BCAS4: variants seen among roughly 807,000 people sequenced by gnomAD.
The protein encoded by BCAS4 is breast carcinoma-amplified sequence 4.
A neutral mutation model predicts 15.7 loss-of-function variants in BCAS4; 9 were observed. That is an observed-to-expected ratio of 0.57 (90% CI 0.34 to 1.00). BCAS4 has a LOEUF of 1.00. Among genes scored for constraint, BCAS4 ranks in the 50% least tolerant of loss-of-function variants. BCAS4 has a pLI of 0.02. For missense variants in BCAS4, 225 were observed against 239.1 expected, an observed-to-expected ratio of 0.94 and a Z score of 0.39; for synonymous variants, 101 against 99.5, an observed-to-expected ratio of 1.02 and a Z score of -0.09.
chr20:50,803,146 A>T (rs1470741996), intron 1 of BCAS4, among the ~76,000 whole-genome samples: 1 of 152,230 alleles, frequency 6.6e-6, no homozygotes, highest in Non-Finnish European at 1.5e-5. Context: ...GCGCCACTGC[A>T]CTCCAGCCTG....
intron 1 of BCAS4, among the ~76,000 whole-genome samples, chr20:50,817,909 T>G (rs1221364210): frequency 6.6e-6 from 1 of 152,098 alleles, no homozygotes; most frequent in Non-Finnish European, 1.5e-5. Flanking sequence ...AGCCTCCGTG[T>G]CCTCATCTGT....
chr20:50,871,539 C>T (rs573185423), intron 4 of BCAS4, among the ~76,000 whole-genome samples: 1 of 152,354 alleles, frequency 6.6e-6, no homozygotes, highest in South Asian at 2.1e-4. Context: ...TAGTTACAAG[C>T]AACCCTGGTC....
At position 50,851,924 on chromosome 20, in the gene BCAS4, C is replaced by T. The variant is rs985374419; in HGVS notation, c.399+10024C>T. On this transcript the variant is annotated intron_variant, in intron 4 of 4. Transcript: ENST00000371608. This position sits in a 1 kb window ranked among gnomAD's most constrained non-coding sequence, Gnocchi z 4.3. ...GGGCACATGGCCTCATCTGCATTTTCTCCTGTTGTTCCCCTAGCCTGAGAG... is the reference window on the plus strand; with the variant it reads ...GGGCACATGGCCTCATCTGCATTTTTTCCTGTTGTTCCCCTAGCCTGAGAG... Among the ~76,000 whole-genome samples, 3 of 152,246 alleles carry T rather than the reference C, an allele frequency of 2.0e-5. No homozygotes were observed. Among genetic ancestry groups the T allele is most frequent in the African/African-American group, 7.2e-5 (3 of 41,470 alleles).
At chr20:50,866,910 CTG>C (rs1979385397) in intron 4 of BCAS4, among the ~76,000 whole-genome samples, 2 of 152,316 alleles carry the variant, frequency 1.3e-5, no homozygotes, top group South Asian at 4.1e-4. Flanking sequence ...GATGAATGCT[CTG>C]TGACCTTTCA....
chr20:50,879,872 G>A (rs971987802), downstream of BCAS4: 5 of 152,856 alleles, frequency 3.3e-5, no homozygotes, highest in African/African-American at 1.2e-4. Context: ...GGATGGCTCT[G>A]GTCTGATGGG....
At chr20:50,845,278 C>T (rs6067568) in intron 4 of BCAS4, among the ~76,000 whole-genome samples, 27,280 of 152,066 alleles carry the variant, frequency 0.18, 2,899 homozygotes, top group African/African-American at 0.31. Context: ...CCCTGACCGC[C>T]GGACCTGCTC....
chr20:50,861,664 G>A (rs1165903413), intron 4 of BCAS4, among the ~76,000 whole-genome samples: 3 of 152,058 alleles, frequency 2.0e-5, no homozygotes, highest in Non-Finnish European at 4.4e-5. Flanking sequence ...AACCCTTGGA[G>A]CGACTACCCC....
intron 1 of BCAS4, among the ~76,000 whole-genome samples, chr20:50,812,639 C>T (rs1379933579): frequency 6.6e-6 from 1 of 151,922 alleles, no homozygotes; most frequent in Non-Finnish European, 1.5e-5. Context: ...GGGGTTTCAC[C>T]ATCTTGGCCA....
At chr20:50,874,739 G>A (rs575082815) in intron 4 of BCAS4, among the ~76,000 whole-genome samples, 1 of 152,304 alleles carries the variant, frequency 6.6e-6, no homozygotes, top group Admixed American at 6.5e-5. Flanking sequence ...AAGTGCAGGG[G>A]GAGGGGAGGG....
At chr20:50,807,247 G>A (rs532505642) in intron 1 of BCAS4, among the ~76,000 whole-genome samples, 2 of 152,156 alleles carry the variant, frequency 1.3e-5, no homozygotes, top group African/African-American at 4.8e-5. Flanking sequence ...AGGCTGGAGT[G>A]CAGTGGCAGA....
chr20:50,838,773 G>A (rs2088440393), intron 3 of BCAS4, among the ~76,000 whole-genome samples: 1 of 152,136 alleles, frequency 6.6e-6, no homozygotes, highest in Admixed American at 6.6e-5. Context: ...GAACTCGGGA[G>A]GCAGAGGTTG....
chr20:50,876,450 A>C (rs757362371), intron 4 of BCAS4, 36 bp from the exon 5 acceptor site: 1 of 1,608,808 alleles, frequency 6.2e-7, no homozygotes, highest in Non-Finnish European at 8.5e-7. Context: ...AAGTGGATCC[A>C]AATCGCTGAT....
chr20:50,853,139 A>AT (rs35651267), intron 4 of BCAS4, among the ~76,000 whole-genome samples: 3,035 of 106,870 alleles, frequency 0.028, 81 homozygotes, highest in African/African-American at 0.057. Flanking sequence ...ATCCCCTTTC[A>AT]TTTTTTTTTT....
intron 2 of BCAS4, among the ~76,000 whole-genome samples, chr20:50,823,743 A>C (rs1214447206): frequency 1.3e-5 from 2 of 152,202 alleles, no homozygotes; most frequent in Non-Finnish European, 2.9e-5. Context: ...AAGTTCAGGA[A>C]TAGGCAGAAG....
intron 1 of BCAS4, among the ~76,000 whole-genome samples, chr20:50,812,144 T>C (rs541309211): frequency 1.3e-5 from 2 of 152,092 alleles, no homozygotes; most frequent in Non-Finnish European, 2.9e-5. Flanking sequence ...ATTTATTTAT[T>C]TTTTTTGAGA....
chr20:50,821,140 C>T (rs996791911), intron 2 of BCAS4, among the ~76,000 whole-genome samples: 5 of 152,164 alleles, frequency 3.3e-5, no homozygotes, highest in Non-Finnish European at 5.9e-5. Context: ...ACTCCACAGC[C>T]GCCACGTGCT....
rs140980398 is a variant in BCAS4, at chr20:50,814,524, A to T, written c.91-3687A>T. On this transcript the variant is annotated intron_variant, in intron 1 of 4. Coordinates refer to ENST00000371608, the MANE Select transcript of BCAS4 (RefSeq NM_198799.4). ...AAACTGGAACTCCTGGGCTCAAGCG[A>T]TCCTCTGGCCTCAGCCTCCCAGCGT... is the stretch of plus-strand genomic sequence containing the variant. Among the ~76,000 whole-genome samples, 1,037 of 152,296 alleles carry T rather than the reference A, an allele frequency of 6.8e-3. 7 individuals carry two copies. Among genetic ancestry groups the T allele is most frequent in the African/African-American group, 0.017 (707 of 41,548 alleles).
intron 3 of BCAS4, among the ~76,000 whole-genome samples, chr20:50,840,301 C>T (rs896825443): frequency 1.9e-4 from 29 of 152,078 alleles, no homozygotes; most frequent in African/African-American, 7.0e-4. Context: ...AAAAATGGCA[C>T]TCTGATTAAA....
chr20:50,806,678 T>C (rs2087992999), intron 1 of BCAS4, among the ~76,000 whole-genome samples: 1 of 151,890 alleles, frequency 6.6e-6, no homozygotes, highest in South Asian at 2.1e-4. Flanking sequence ...CCTGGACTTC[T>C]TTTTTTCTTA....
Sources: allele counts gnomAD v4.1 joint callset (sites outside exome capture counted in the v4.1 genomes callset), GRCh38; gene constraint gnomAD v4.1.1; non-coding constraint Gnocchi (gnomAD v3.1); transcripts MANE v1.5; gene names NCBI Gene and HGNC (gene_info 2026-07-23, HGNC 2026-07-21).